Variants in HRH2 observed in about 807,000 individuals in gnomAD.
The protein encoded by HRH2 is histamine H2 receptor.
A neutral mutation model predicts 20.1 loss-of-function variants in HRH2; 4 were observed. The observed-to-expected ratio is 0.20, with a 90% CI of 0.10 to 0.45. The LOEUF (loss-of-function observed/expected upper bound fraction) is 0.45. Among genes scored for constraint, HRH2 ranks in the 20% least tolerant of loss-of-function variants. The pLI is 0.99. For missense variants in HRH2, 250 were observed against 461.6 expected (o/e 0.54, Z 4.20); for synonymous variants, 197 against 200.7 (o/e 0.98, Z 0.16).
intron 1 of HRH2, among the ~76,000 whole-genome samples, chr5:175,676,880 CAGAA>C (rs1311401141): frequency 6.6e-6 from 1 of 152,248 alleles, no homozygotes; most frequent in African/African-American, 2.4e-5. Flanking sequence ...AAGGCAGACA[CAGAA>C]AGTCAAATAT....
At chr5:175,685,365 T>C (rs1238348523) in intron 2 of HRH2, 2 of 1,522,302 alleles carry the variant, frequency 1.3e-6, no homozygotes, top group Non-Finnish European at 1.8e-6. Context: ...ACCTGGCACA[T>C]AGAAGTTGCT....
At chr5:175,702,806 A>T (rs1247757483) in intron 2 of HRH2, among the ~76,000 whole-genome samples, 1 of 150,438 alleles carries the variant, frequency 6.6e-6, no homozygotes, top group Non-Finnish European at 1.5e-5. Flanking sequence ...CTGACCTCAG[A>T]TCCGCCCACC....
chr5:175,706,526 G>A (rs1333526318), intron 2 of HRH2, among the ~76,000 whole-genome samples: 2 of 152,194 alleles, frequency 1.3e-5, no homozygotes, highest in African/African-American at 4.8e-5. Context: ...ATTTCACCGA[G>A]TGCAATGAGA....
chr5:175,662,625 A>G (rs1163836618), intron 1 of HRH2, among the ~76,000 whole-genome samples: 1 of 152,178 alleles, frequency 6.6e-6, no homozygotes, highest in African/African-American at 2.4e-5. Flanking sequence ...CCCTCAAGCA[A>G]CAAAGGTGGT....
Position 175,710,091 on chromosome 5 carries a change from G to A in HRH2, c.*2120G>A, listed in dbSNP as rs1478980034. The A allele has an allele frequency of 6.6e-6, 1 of 152,250 alleles. No homozygotes were observed. Among genetic ancestry groups the A allele is most frequent in the Non-Finnish European group, 1.5e-5 (1 of 68,146 alleles). The allele number at this position is 152,250 out of a possible 1,614,324, so 9.4% of individuals were successfully genotyped here. A position where few individuals can be genotyped will look rare whatever the true frequency, so the allele number is the denominator to read the frequency against. ...TCCTTGACCCTCCACACCAAACCAG[G>A]CCCCCTGCCACACCCCTCAGAGCTC... On this transcript the variant is annotated 3_prime_UTR_variant, in exon 3 of 3. Transcript: ENST00000636584.
At position 175,683,048 on chromosome 5, in the gene HRH2, A is replaced by G. The variant is rs1756039920; in HGVS notation, c.-186A>G. 3.0e-6 allele frequency: 2 copies of G among 668,048 alleles called. No individual in the cohort carries two copies. Among genetic ancestry groups the G allele is most frequent in the Non-Finnish European group, 2.5e-6 (1 of 393,406 alleles). 41.4% of individuals were successfully genotyped at this position (668,048 alleles called of 1,614,324 possible). Reference sequence around the variant, plus strand: ...GTGTTGCTTAATTTATTTCTAGAAAAGCAGCCCAGAGTCAGTCATTGAAGC... The same window carrying G: ...GTGTTGCTTAATTTATTTCTAGAAAGGCAGCCCAGAGTCAGTCATTGAAGC... On this transcript the variant is annotated 5_prime_UTR_variant, in exon 2 of 3. Transcript: ENST00000636584.
intron 1 of HRH2, among the ~76,000 whole-genome samples, chr5:175,668,213 G>T (rs1755369827): frequency 6.6e-6 from 1 of 152,228 alleles, no homozygotes; most frequent in South Asian, 2.1e-4. Flanking sequence ...GCCAAGCACT[G>T]TGGTGTGGGC....
chr5:175,661,954 G>A (rs1014999676), intron 1 of HRH2, among the ~76,000 whole-genome samples: 24 of 152,070 alleles, frequency 1.6e-4, no homozygotes, highest in African/African-American at 3.6e-4. Flanking sequence ...CTCAGGAGGC[G>A]GAGGTTGCAG....
intron 1 of HRH2, among the ~76,000 whole-genome samples, chr5:175,663,704 A>G (rs1461030825): frequency 5.3e-5 from 8 of 152,228 alleles, no homozygotes; most frequent in Non-Finnish European, 1.0e-4. Flanking sequence ...CAGTTCAAGG[A>G]TCAGCCCCAG....
At chr5:175,679,609 A>G (rs879467041) in intron 1 of HRH2, among the ~76,000 whole-genome samples, 6 of 152,250 alleles carry the variant, frequency 3.9e-5, no homozygotes, top group East Asian at 1.9e-4. Context: ...CAAAGTGCAG[A>G]GAGATTACTC....
chr5:175,694,649 G>C (rs1299718703), intron 2 of HRH2, among the ~76,000 whole-genome samples: 6 of 152,284 alleles, frequency 3.9e-5, no homozygotes, highest in Admixed American at 6.5e-5. Flanking sequence ...AGAGGAACTG[G>C]GGTGCAGCAT....
chr5:175,664,528 G>C (rs564160503), intron 1 of HRH2, among the ~76,000 whole-genome samples: 4 of 152,272 alleles, frequency 2.6e-5, no homozygotes, highest in African/African-American at 9.6e-5. Context: ...AGGATGATTA[G>C]GCTTGACCTG....
In HRH2 at chr5:175,687,663, C is replaced by A. The variant is rs1756219211; in HGVS notation, c.1076+3354C>A. 6.6e-6 allele frequency among the ~76,000 whole-genome samples: 1 copy of A among 152,148 alleles called. No homozygotes were observed. Among genetic ancestry groups the A allele is most frequent in the Non-Finnish European group, 1.5e-5 (1 of 68,026 alleles). On this transcript the variant is annotated intron_variant, in intron 2 of 2. Transcript: ENST00000636584. The surrounding 1 kb of genome is among the most constrained non-coding windows in gnomAD (Gnocchi z 5.2). Reference sequence around the variant, plus strand: ...GCCTTATGGGCAGACACCATCCGCCCCTTCCTGACCCCTACTGTCCACCCC... The same window carrying A: ...GCCTTATGGGCAGACACCATCCGCCACTTCCTGACCCCTACTGTCCACCCC...
intron 1 of HRH2, among the ~76,000 whole-genome samples, chr5:175,673,927 A>T (rs555040297): frequency 6.7e-4 from 101 of 151,784 alleles, no homozygotes; most frequent in African/African-American, 2.2e-3. Flanking sequence ...CTGGTCTCGA[A>T]CTCCTGACCT....
chr5:175,681,085 CAG>C lies in HRH2; in HGVS notation c.-525-1622_-525-1621del, dbSNP rs1433249059. 6.6e-6 allele frequency among the ~76,000 whole-genome samples: 1 copy of C among 152,130 alleles called. No homozygotes were observed. The highest frequency in any genetic ancestry group is 1.5e-5 in the Non-Finnish European group (1 of 68,016). On this transcript the variant is annotated intron_variant, in intron 1 of 2. Coordinates refer to ENST00000636584, the MANE Select transcript of HRH2 (RefSeq NM_001367711.1). This position sits in a 1 kb window ranked among gnomAD's most constrained non-coding sequence, Gnocchi z 4.3. ...CCTATACCCGGCTGTTGTGGTAACT[CAG>C]AAAAACTTTGATGAGAAATAGGGAT...
rs985730019 is a variant in HRH2, at chr5:175,686,822, C to G, written c.1076+2513C>G. 1.3e-5 allele frequency among the ~76,000 whole-genome samples: 2 copies of G among 152,228 alleles called. No homozygotes were observed. The highest frequency in any genetic ancestry group is 4.8e-5 in the African/African-American group (2 of 41,460). On this transcript the variant is annotated intron_variant, in intron 2 of 2. Coordinates refer to ENST00000636584, the MANE Select transcript of HRH2 (RefSeq NM_001367711.1). The surrounding 1 kb of genome is among the most constrained non-coding windows in gnomAD (Gnocchi z 4.7). ...TGGGAAAACTGAGGCACACAGAAGT[C>G]AAGTAAACTGCCCCAAGGGATACAA...
intron 2 of HRH2, among the ~76,000 whole-genome samples, chr5:175,696,707 C>A (rs1756596026): frequency 6.6e-6 from 1 of 152,192 alleles, no homozygotes; most frequent in African/African-American, 2.4e-5. Flanking sequence ...TTTGCTTCTT[C>A]CGTGGGACCT....
In HRH2 at chr5:175,681,668, C is replaced by G. The variant is rs1429195636; in HGVS notation, c.-525-1041C>G. 6.6e-6 allele frequency among the ~76,000 whole-genome samples: 1 copy of G among 152,186 alleles called. No individual in the cohort carries two copies. The highest frequency in any genetic ancestry group is 1.5e-5 in the Non-Finnish European group (1 of 68,028). On this transcript the variant is annotated intron_variant, in intron 1 of 2. Transcript: ENST00000636584. This position sits in a 1 kb window ranked among gnomAD's most constrained non-coding sequence, Gnocchi z 4.3. ...TTACTTTATTGACGTAGTGTTTGCA[C>G]TACTTCAATAGTGCAAAGGGAGGAA... is the stretch of plus-strand genomic sequence containing the variant.
intron 1 of HRH2, 46 bp downstream of exon 1, chr5:175,658,201 G>T (rs1194144234): frequency 2.0e-5 from 3 of 151,794 alleles, no homozygotes; most frequent in Non-Finnish European, 1.5e-5. Flanking sequence ...TCGGGGTGGG[G>T]TCCCAGGCGG....
Sources: allele counts gnomAD v4.1 joint callset (sites outside exome capture counted in the v4.1 genomes callset), GRCh38; gene constraint gnomAD v4.1.1; non-coding constraint Gnocchi (gnomAD v3.1); transcripts MANE v1.5; gene names NCBI Gene and HGNC (gene_info 2026-07-23, HGNC 2026-07-21).